Variants in ZNF236 observed in about 807,000 individuals in gnomAD.
ZNF236 encodes zinc finger protein 236, also known as regulated by glucose.
In ZNF236, 50 loss-of-function variants were observed where a neutral mutation model predicts 191.2. The ratio of observed to expected loss-of-function variants is 0.26; its 90% CI spans 0.21 to 0.33. The LOEUF is 0.33. Among genes scored for constraint, ZNF236 ranks in the 10% least tolerant of loss-of-function variants. The pLI is 1.00. For missense variants in ZNF236, 1,754 were observed against 2,374.5 expected, an observed-to-expected ratio of 0.74 and a Z score of 5.43; for synonymous variants, 907 against 928.8, an observed-to-expected ratio of 0.98 and a Z score of 0.43.
chr18:76,971,701 A>G lies in ZNF236; in HGVS notation c.*3362A>G, dbSNP rs1348008892. On this transcript the variant is annotated 3_prime_UTR_variant, in exon 31 of 31. Coordinates refer to ENST00000320610, the MANE Select transcript of ZNF236 (RefSeq NM_001306089.2). ...CATTTTAGAAGAATATTTGTAACTC[A>G]TTAAGATACACATTTTAACATGAAA... Among the ~76,000 whole-genome samples the G allele has an allele frequency of 2.0e-5, 3 of 152,232 alleles. No homozygotes were observed. The highest frequency in any genetic ancestry group is 4.4e-5 in the Non-Finnish European group (3 of 68,044).
intron 1 of ZNF236, among the ~76,000 whole-genome samples, chr18:76,840,545 A>G (rs1975451458): frequency 6.6e-6 from 1 of 152,110 alleles, no homozygotes; most frequent in African/African-American, 2.4e-5. Flanking sequence ...CATGAAAAGA[A>G]AGAGTTTACA....
At chr18:76,962,230 G>C (rs1247506246) in intron 30 of ZNF236, among the ~76,000 whole-genome samples, 1 of 152,030 alleles carries the variant, frequency 6.6e-6, no homozygotes, top group Non-Finnish European at 1.5e-5. Context: ...GTTGATTTTT[G>C]TATGAGATGA....
chr18:76,940,464 G>A (rs1187960272), intron 26 of ZNF236, among the ~76,000 whole-genome samples: 2 of 152,220 alleles, frequency 1.3e-5, no homozygotes, highest in African/African-American at 2.4e-5. Context: ...TCCCTGGTGT[G>A]TTTCTTATTG....
intron 26 of ZNF236, among the ~76,000 whole-genome samples, chr18:76,943,268 A>C (rs539954342): frequency 6.6e-6 from 1 of 152,184 alleles, no homozygotes; most frequent in East Asian, 1.9e-4. Flanking sequence ...GTAAGTGATA[A>C]TTTTAATTCA....
intron 21 of ZNF236, among the ~76,000 whole-genome samples, chr18:76,924,523 TC>T (rs1423554445): frequency 6.6e-6 from 1 of 152,164 alleles, no homozygotes; most frequent in African/African-American, 2.4e-5. Flanking sequence ...TAGCATTTGT[TC>T]CTGGACAGTA....
intron 4 of ZNF236, among the ~76,000 whole-genome samples, chr18:76,871,491 T>A (rs1156266140): frequency 6.8e-6 from 1 of 146,872 alleles, no homozygotes; most frequent in Non-Finnish European, 1.5e-5. Context: ...AAAAAACAAA[T>A]TTTTTTTCAT....
intron 3 of ZNF236, among the ~76,000 whole-genome samples, chr18:76,864,012 TTCAG>T (rs1976324171): frequency 6.6e-6 from 1 of 152,122 alleles, no homozygotes; most frequent in Non-Finnish European, 1.5e-5. Flanking sequence ...GTGAGCCTCC[TTCAG>T]TCAAAGACCT....
Position 76,960,881 on chromosome 18 carries a change from G to A in ZNF236, c.5419+26G>A, listed in dbSNP as rs539471479. On this transcript the variant is annotated intron_variant, in intron 30 of 30. Transcript: ENST00000320610. This position sits in a 1 kb window ranked among gnomAD's most constrained non-coding sequence, Gnocchi z 4.4. ...GTGAGAATGCTGCACCCGGGAGTGC[G>A]TGCTGTTCGGTGGCCTGCGAGGCAC... 39 of 1,591,436 alleles carry A rather than the reference G, an allele frequency of 2.5e-5. No individual in the cohort carries two copies. Among genetic ancestry groups the A allele is most frequent in the East Asian group, 9.0e-5 (4 of 44,400 alleles).
chr18:76,835,500 T>C (rs1975295240), intron 1 of ZNF236, among the ~76,000 whole-genome samples: 1 of 141,952 alleles, frequency 7.0e-6, no homozygotes, highest in African/African-American at 2.7e-5. Flanking sequence ...AAAGATCTTA[T>C]ATTTTCCTGG....
intron 28 of ZNF236, 48 bp from the exon 29 acceptor site, chr18:76,959,639 G>A (rs376597611): frequency 1.0e-4 from 162 of 1,555,046 alleles, no homozygotes; most frequent in Middle Eastern, 3.5e-4. Context: ...TTCTAGTCTC[G>A]AAAGCTGTTT....
intron 30 of ZNF236, among the ~76,000 whole-genome samples, chr18:76,964,801 T>C (rs778344902): frequency 3.3e-5 from 5 of 152,234 alleles, no homozygotes; most frequent in Non-Finnish European, 7.3e-5. Flanking sequence ...CAACGCCTTT[T>C]ATCATTATAT....
intron 27 of ZNF236, among the ~76,000 whole-genome samples, chr18:76,949,463 A>T (rs1968351179): frequency 6.6e-6 from 1 of 152,196 alleles, no homozygotes; most frequent in African/African-American, 2.4e-5. Context: ...TTAAATATAA[A>T]AATGAGGTAG....
Position 76,919,861 on chromosome 18 carries a change from G to A in ZNF236, c.3360G>A (p.Glu1120=). The change falls in exon 20 of 31, where the codon GAG becomes GAA. Residue 1120 remains glutamate, a synonymous_variant. Transcript: ENST00000320610. This position sits in a 1 kb window ranked among gnomAD's most constrained non-coding sequence, Gnocchi z 5.3. ...SRPEVITFTE[E]ETAQLAKIRP... ...CTGAGGTCATCACTTTCACGGAGGAGGAGACAGCCCAGTTAGCCAAGATCC... is the reference window on the plus strand; with the variant it reads ...CTGAGGTCATCACTTTCACGGAGGAAGAGACAGCCCAGTTAGCCAAGATCC... 1 of 1,614,228 alleles carries A rather than the reference G, an allele frequency of 6.2e-7. No individual in the cohort carries two copies.
Position 76,919,778 on chromosome 18 carries a change from A to G in ZNF236, c.3277A>G (p.Ile1093Val). ...CCCTTTTCCTTGATTTTGTGTAGAC[A>G]TTTGTATGGAGGAAGAGGAAGAACA... ...SATGETEGGDICMEEEEEHSD... is the reference protein window; with the variant it reads ...SATGETEGGDVCMEEEEEHSD... The change falls in exon 20 of 31, where the codon ATT (isoleucine) becomes GTT (valine). Residue 1093 changes from isoleucine (I) to valine (V), a missense_variant and splice_region_variant. By Grantham distance (29) the Ile-to-Val change is conservative (BLOSUM62 3). Coordinates refer to ENST00000320610, the MANE Select transcript of ZNF236 (RefSeq NM_001306089.2). This position sits in a 1 kb window ranked among gnomAD's most constrained non-coding sequence, Gnocchi z 5.3. The G allele has an allele frequency of 6.2e-7, 1 of 1,613,496 alleles. No homozygotes were observed. Among genetic ancestry groups the G allele is most frequent in the Admixed American group, 1.7e-5 (1 of 60,020 alleles).
chr18:76,915,898 T>TG (rs1219771109), intron 19 of ZNF236, 39 bp downstream of exon 19: 2 of 1,578,906 alleles, frequency 1.3e-6, no homozygotes, highest in South Asian at 2.2e-5. Flanking sequence ...ATTAACCCGA[T>TG]GCTAATTTAG....
rs116891563 is a variant in ZNF236 at position 76,927,021 on chromosome 18, C to T, written c.4028-16C>T. ...TTCATAATATTTGATCATTCTCTTT[C>T]TCTTTCTCTGGCCAGCTGGGGGTGA... On this transcript the variant is annotated splice_polypyrimidine_tract_variant and intron_variant, in intron 22 of 30. Transcript: ENST00000320610. This position sits in a 1 kb window ranked among gnomAD's most constrained non-coding sequence, Gnocchi z 5.4. The T allele has an allele frequency of 4.4e-4, 693 of 1,590,632 alleles. 3 individuals carry two copies. The East Asian group carries it at 0.014, about 32-fold the overall frequency.
At chr18:76,842,258 T>G (rs1568190074) in intron 1 of ZNF236, among the ~76,000 whole-genome samples, 1 of 151,356 alleles carries the variant, frequency 6.6e-6, no homozygotes, top group Non-Finnish European at 1.5e-5. Flanking sequence ...GTTAATACGT[T>G]ATCACCATTC....
rs1967662818 is a variant in ZNF236 at position 76,925,872 on chromosome 18, T to C, written c.4027+318T>C. Among the ~76,000 whole-genome samples the C allele has an allele frequency of 6.6e-6, 1 of 152,266 alleles. No individual in the cohort carries two copies. The highest frequency in any genetic ancestry group is 2.4e-5 in the African/African-American group (1 of 41,468). ...ATTTAGTAGTGAGAAGTGTAATTTA[T>C]AAATACTCAATAGCATTGTTTTTGA... On this transcript the variant is annotated intron_variant, in intron 22 of 30. Coordinates refer to ENST00000320610, the MANE Select transcript of ZNF236 (RefSeq NM_001306089.2). The surrounding 1 kb of genome is among the most constrained non-coding windows in gnomAD (Gnocchi z 5.7).
intron 9 of ZNF236, among the ~76,000 whole-genome samples, chr18:76,889,620 T>C (rs1358841995): frequency 6.6e-6 from 1 of 152,200 alleles, no homozygotes; most frequent in African/African-American, 2.4e-5. Context: ...AAATGGAAGA[T>C]AAACGAATGG....
Sources: gnomAD v4.1 joint callset for allele counts (sites outside exome capture counted in the v4.1 genomes callset) on GRCh38, gnomAD v4.1.1 for gene constraint, Gnocchi (gnomAD v3.1) non-coding constraint, MANE v1.5 for transcripts, NCBI Gene and HGNC (gene_info 2026-07-23, HGNC 2026-07-21) for gene names.